Variants in INPP5A observed in about 807,000 individuals in gnomAD.
INPP5A encodes the protein inositol polyphosphate-5-phosphatase A.
In INPP5A, 14 loss-of-function variants were observed where a neutral mutation model predicts 65.2. The observed-to-expected ratio is 0.21, with a 90% CI of 0.14 to 0.34. INPP5A has a LOEUF of 0.34. Ranked by LOEUF, INPP5A falls within the 10% of genes least tolerant of loss-of-function variation. The probability of loss-of-function intolerance (pLI) is 1.00; values close to 1 mark genes in which losing one functional copy is unlikely to be tolerated. For synonymous variants in INPP5A, 207 were observed against 208.3 expected, an observed-to-expected ratio of 0.99 and a Z score of 0.05; for missense variants, 431 against 545.6, an observed-to-expected ratio of 0.79 and a Z score of 2.09.
intron 12 of INPP5A, among the ~76,000 whole-genome samples, chr10:132,766,410 C>A (rs1234976227): frequency 6.6e-6 from 1 of 152,176 alleles, no homozygotes; most frequent in Non-Finnish European, 1.5e-5. Flanking sequence ...ATCGGGGCCT[C>A]CAAATGCAGT....
chr10:132,671,235 C>T (rs1473554210), intron 4 of INPP5A, among the ~76,000 whole-genome samples: 1 of 152,108 alleles, frequency 6.6e-6, no homozygotes, highest in Non-Finnish European at 1.5e-5. Context: ...ACTGGGGCCC[C>T]TGGAGCCGTG....
chr10:132,577,125 G>A (rs1037147976), intron 1 of INPP5A, among the ~76,000 whole-genome samples: 15 of 152,214 alleles, frequency 9.9e-5, no homozygotes, highest in African/African-American at 3.4e-4. Flanking sequence ...GGCCAGGAGT[G>A]GAGGGGGCAG....
Position 132,663,840 on chromosome 10 carries a change from A to G in INPP5A, c.306+13335A>G, listed in dbSNP as rs1281293510. On this transcript the variant is annotated intron_variant, in intron 4 of 15. Transcript: ENST00000368594. The surrounding 1 kb of genome is among the most constrained non-coding windows in gnomAD (Gnocchi z 4.5). Reference sequence around the variant, plus strand: ...AGCTGGGCAGGGCCGCGCTCACATCATTCCTCTCCCCCTGTCGCCGGGTGG... The same window carrying G: ...AGCTGGGCAGGGCCGCGCTCACATCGTTCCTCTCCCCCTGTCGCCGGGTGG... Among the ~76,000 whole-genome samples the G allele has an allele frequency of 6.6e-6, 1 of 151,996 alleles. No homozygotes were observed. Among genetic ancestry groups the G allele is most frequent in the Non-Finnish European group, 1.5e-5 (1 of 68,020 alleles).
chr10:132,683,553 T>C (rs1458293559), intron 4 of INPP5A, among the ~76,000 whole-genome samples: 1 of 152,260 alleles, frequency 6.6e-6, no homozygotes, highest in East Asian at 1.9e-4. Context: ...ATAGTATGTC[T>C]GTGTGAACAC....
chr10:132,683,619 C>T (rs997624911), intron 4 of INPP5A, among the ~76,000 whole-genome samples: 14 of 152,214 alleles, frequency 9.2e-5, no homozygotes, highest in Admixed American at 3.3e-4. Flanking sequence ...TCAGTAACAC[C>T]ATGCAGGGAA....
At chr10:132,648,163 C>T (rs1438774668) in intron 3 of INPP5A, among the ~76,000 whole-genome samples, 2 of 152,250 alleles carry the variant, frequency 1.3e-5, no homozygotes, top group African/African-American at 4.8e-5. Context: ...AAAGCAGCCC[C>T]TGTTGGGAAG....
At chr10:132,665,158 G>A (rs1257464751) in intron 4 of INPP5A, among the ~76,000 whole-genome samples, 5 of 152,286 alleles carry the variant, frequency 3.3e-5, no homozygotes, top group Non-Finnish European at 7.4e-5. Flanking sequence ...GCCTTCCCTC[G>A]CCTTTGCAGA....
Position 132,704,428 on chromosome 10 carries a change from C to T in INPP5A, c.475-3885C>T, listed in dbSNP as rs1845498871. Among the ~76,000 whole-genome samples, 1 of 152,226 alleles carries T rather than the reference C, an allele frequency of 6.6e-6. No homozygotes were observed. The highest frequency in any genetic ancestry group is 1.5e-5 in the Non-Finnish European group (1 of 68,044). ...GTTCTTAACCTGTGAGCCTCAGTTT[C>T]CCTTTCTGGTCGGCCCGAGGGTTGG... On this transcript the variant is annotated intron_variant, in intron 6 of 15. Coordinates refer to ENST00000368594, the MANE Select transcript of INPP5A (RefSeq NM_005539.5). The surrounding 1 kb of genome is among the most constrained non-coding windows in gnomAD (Gnocchi z 4.5).
intron 2 of INPP5A, among the ~76,000 whole-genome samples, chr10:132,621,389 C>T (rs998383166): frequency 6.6e-6 from 1 of 152,136 alleles, no homozygotes; most frequent in Non-Finnish European, 1.5e-5. Flanking sequence ...TCAGGAGGTT[C>T]TGATGATGTT....
chr10:132,734,032 G>T (rs1014958217), intron 9 of INPP5A, among the ~76,000 whole-genome samples: 1 of 152,222 alleles, frequency 6.6e-6, no homozygotes, highest in Non-Finnish European at 1.5e-5. Context: ...GTCTCCTCAC[G>T]TCTGCCTGGC....
chr10:132,646,794 G>A (rs1248145945), intron 3 of INPP5A, among the ~76,000 whole-genome samples: 1 of 152,176 alleles, frequency 6.6e-6, no homozygotes, highest in Admixed American at 6.5e-5. Flanking sequence ...ACGCTCTGTG[G>A]GCCGACGCCG....
intron 4 of INPP5A, among the ~76,000 whole-genome samples, chr10:132,658,594 C>G (rs917975662): frequency 3.3e-5 from 5 of 152,312 alleles, no homozygotes; most frequent in African/African-American, 9.6e-5. Flanking sequence ...TGGATGCAGC[C>G]TTGACGCGTG....
intron 2 of INPP5A, among the ~76,000 whole-genome samples, chr10:132,632,640 A>C (rs1352851343): frequency 6.6e-6 from 1 of 152,206 alleles, no homozygotes; most frequent in Non-Finnish European, 1.5e-5. Flanking sequence ...ATGGGCACTG[A>C]CTGAATTGAT....
intron 1 of INPP5A, among the ~76,000 whole-genome samples, chr10:132,583,013 G>T (rs1325868912): frequency 6.6e-6 from 1 of 152,196 alleles, no homozygotes; most frequent in African/African-American, 2.4e-5. Context: ...TCGTAGATCA[G>T]TGTGCGGGGG....
intron 1 of INPP5A, among the ~76,000 whole-genome samples, chr10:132,552,448 T>C (rs1590823226): frequency 1.5e-5 from 2 of 132,694 alleles, no homozygotes; most frequent in Non-Finnish European, 3.2e-5. Context: ...TTGAGTAGGA[T>C]AGGGAGGGAG....
chr10:132,776,541 G>A (rs1847066293), intron 12 of INPP5A, among the ~76,000 whole-genome samples: 1 of 152,204 alleles, frequency 6.6e-6, no homozygotes, highest in Admixed American at 6.5e-5. Context: ...GGTGCTGTAT[G>A]ATATTTTGGA....
chr10:132,774,255 G>A (rs1275672144), intron 12 of INPP5A, among the ~76,000 whole-genome samples: 6 of 152,190 alleles, frequency 3.9e-5, no homozygotes, highest in East Asian at 1.9e-4. Flanking sequence ...CAGGCTGCAC[G>A]GGAAGGCAGA....
At chr10:132,599,463 C>T (rs184928670) in intron 1 of INPP5A, among the ~76,000 whole-genome samples, 26 of 152,352 alleles carry the variant, frequency 1.7e-4, no homozygotes, top group African/African-American at 6.3e-4. Context: ...TGGGCAGCTC[C>T]GCCCCTGCGG....
chr10:132,624,892 G>A (rs920531641), intron 2 of INPP5A, among the ~76,000 whole-genome samples: 6 of 147,824 alleles, frequency 4.1e-5, no homozygotes, highest in Non-Finnish European at 5.9e-5. Flanking sequence ...GGCCCACACC[G>A]TGGCATCTGC....
Sources: gnomAD v4.1 joint callset for allele counts (sites outside exome capture counted in the v4.1 genomes callset) on GRCh38, gnomAD v4.1.1 for gene constraint, Gnocchi (gnomAD v3.1) non-coding constraint, MANE v1.5 for transcripts, NCBI Gene and HGNC (gene_info 2026-07-23, HGNC 2026-07-21) for gene names.